Variants in PPA2 observed in about 807,000 individuals in gnomAD.
PPA2 encodes inorganic pyrophosphatase 2.
In PPA2, 48 loss-of-function variants were observed where a neutral mutation model predicts 49.5. The ratio of observed to expected loss-of-function variants is 0.97; its 90% CI spans 0.77 to 1.23. PPA2 has a LOEUF of 1.23. Among genes scored for constraint, PPA2 ranks in the 50% most tolerant of loss-of-function variants. The probability of loss-of-function intolerance (pLI) is 0.00; values close to 1 mark genes in which losing one functional copy is unlikely to be tolerated. For synonymous variants in PPA2, 131 were observed against 139.9 expected, an observed-to-expected ratio of 0.94 and a Z score of 0.45; for missense variants, 429 against 410.1, an observed-to-expected ratio of 1.05 and a Z score of -0.40.
At chr4:105,452,076 T>C (rs1395318946) in intron 3 of PPA2, among the ~76,000 whole-genome samples, 2 of 152,228 alleles carry the variant, frequency 1.3e-5, no homozygotes, top group Non-Finnish European at 2.9e-5. Flanking sequence ...TGTATTTTTG[T>C]TGCAGAAGTC....
chr4:105,461,946 A>T (rs1723109454), intron 1 of PPA2, among the ~76,000 whole-genome samples: 4 of 152,218 alleles, frequency 2.6e-5, no homozygotes, highest in Non-Finnish European at 5.9e-5. Context: ...ATTTCCCTAA[A>T]GTGCAAAAGG....
chr4:105,458,901 A>G (rs929818486), intron 1 of PPA2, among the ~76,000 whole-genome samples: 10 of 149,604 alleles, frequency 6.7e-5, no homozygotes, highest in Admixed American at 2.0e-4. Context: ...ATTTCCCCCT[A>G]CCATGCTTTG....
chr4:105,449,381 T>C lies in PPA2; in HGVS notation c.290A>G (p.Glu97Gly). The C allele has an allele frequency of 3.2e-6, 5 of 1,578,290 alleles. No homozygotes were observed. Among genetic ancestry groups the C allele is most frequent in the Non-Finnish European group, 3.5e-6 (4 of 1,154,140 alleles). Residue 97 changes from glutamate (E) to glycine (G), a missense_variant, in exon 4 of 12, where the codon GAA becomes GGA. By Grantham distance (98) the Glu-to-Gly change is moderately conservative. Transcript: ENST00000341695. ...EYENLFNMIV[E>G]IPRWTNAKME... ...TTTAGCATTTGTCCACCGAGGTATT[T>C]CTACAATCATATTAAACAGATTCTG... is the stretch of plus-strand genomic sequence containing the variant.
At chr4:105,459,474 T>A (rs1723000386) in intron 1 of PPA2, among the ~76,000 whole-genome samples, 1 of 152,204 alleles carries the variant, frequency 6.6e-6, no homozygotes, top group Non-Finnish European at 1.5e-5. Flanking sequence ...TGATGGGAAC[T>A]GAAAATGGTG....
In PPA2 at chr4:105,405,754, A is replaced by G. The variant is rs1249288566; in HGVS notation, c.656-6590T>C. On this transcript the variant is annotated intron_variant, in intron 7 of 11. Transcript: ENST00000341695. Reference sequence around the variant, plus strand: ...CCTTATAAACAGATTAACATCAAAAAGACTCAAAAACAAGATAAGTAACTT... The same window carrying G: ...CCTTATAAACAGATTAACATCAAAAGGACTCAAAAACAAGATAAGTAACTT... 12 of 671,702 alleles carry G rather than the reference A, an allele frequency of 1.8e-5. No individual in the cohort carries two copies. In the East Asian group the frequency reaches 8.2e-4, roughly 46 times the overall value. 41.6% of individuals were successfully genotyped at this position (671,702 alleles called of 1,614,324 possible).
intron 9 of PPA2, among the ~76,000 whole-genome samples, chr4:105,393,803 G>A (rs1734024124): frequency 6.6e-6 from 1 of 151,792 alleles, no homozygotes; most frequent in Non-Finnish European, 1.5e-5. Flanking sequence ...AATCTACAAT[G>A]GTACAGTTTA....
At chr4:105,443,238 CA>C (rs1724445935) in intron 5 of PPA2, among the ~76,000 whole-genome samples, 3 of 151,958 alleles carry the variant, frequency 2.0e-5, no homozygotes, top group Non-Finnish European at 4.4e-5. Flanking sequence ...AAGCCATGTG[CA>C]TACCTGGAAA....
In PPA2 at chr4:105,369,650, C is replaced by A; in HGVS notation, c.*75G>T. The A allele has an allele frequency of 2.0e-6, 2 of 982,112 alleles. No homozygotes were observed. Among genetic ancestry groups the A allele is most frequent in the South Asian group, 3.4e-5 (2 of 58,834 alleles). The allele number at this position is 982,112 out of a possible 1,614,324, so 60.8% of individuals were successfully genotyped here. The stretch of plus-strand genomic sequence containing the variant: ...TTTTAACAGGAAGTCAGTAAATGCT[C>A]ATAGACCCCCTTGTCTCTAGCACTT... On this transcript the variant is annotated 3_prime_UTR_variant, in exon 12 of 12. Coordinates refer to ENST00000341695, the MANE Select transcript of PPA2 (RefSeq NM_176869.3).
chr4:105,446,895 T>G (rs1722411150), intron 4 of PPA2, among the ~76,000 whole-genome samples: 1 of 152,174 alleles, frequency 6.6e-6, no homozygotes, highest in Non-Finnish European at 1.5e-5. Flanking sequence ...TATTCAATAG[T>G]GAAATGCTGA....
intron 7 of PPA2, among the ~76,000 whole-genome samples, chr4:105,415,731 C>T (rs563303243): frequency 5.1e-4 from 77 of 152,318 alleles, no homozygotes; most frequent in Admixed American, 8.5e-4. Flanking sequence ...TGTGCCTCCC[C>T]GGCTGCAGCC....
intron 1 of PPA2, among the ~76,000 whole-genome samples, chr4:105,458,818 CAAAAAAAA>C (rs57073135): frequency 0.13 from 3,969 of 31,588 alleles, 243 homozygotes; most frequent in African/African-American, 0.3. Context: ...ACTCCACCTC[CAAAAAAAA>C]AAAAAAAAAA....
chr4:105,414,530 T>C (rs1722914670), intron 7 of PPA2, among the ~76,000 whole-genome samples: 1 of 152,208 alleles, frequency 6.6e-6, no homozygotes, highest in African/African-American at 2.4e-5. Context: ...CCTGCGAGGC[T>C]GCAGCTGGAC....
intron 9 of PPA2, among the ~76,000 whole-genome samples, chr4:105,390,595 C>A (rs1733874081): frequency 2.6e-5 from 4 of 152,134 alleles, no homozygotes; most frequent in Admixed American, 6.5e-5. Context: ...CAAATCAAAA[C>A]CACAATGAGA....
chr4:105,446,590 T>G, intron 4 of PPA2, 88 bp from the exon 5 acceptor site: 1 of 1,403,246 alleles, frequency 7.1e-7, no homozygotes, highest in South Asian at 1.4e-5. Flanking sequence ...ATCTGCTATT[T>G]TCAGACTAAA....
chr4:105,385,544 C>T (rs966331720), intron 10 of PPA2, among the ~76,000 whole-genome samples: 18 of 152,094 alleles, frequency 1.2e-4, no homozygotes, highest in Non-Finnish European at 2.2e-4. Flanking sequence ...AATTCACTAG[C>T]TTTTAAATCT....
intron 3 of PPA2, among the ~76,000 whole-genome samples, chr4:105,450,412 T>A (rs1296112304): frequency 6.6e-6 from 1 of 151,542 alleles, no homozygotes; most frequent in Non-Finnish European, 1.5e-5. Context: ...AGTCTTACTC[T>A]GTCACCCAGG....
chr4:105,389,945 A>T (rs758129677), intron 9 of PPA2, among the ~76,000 whole-genome samples: 1 of 152,228 alleles, frequency 6.6e-6, no homozygotes, highest in Non-Finnish European at 1.5e-5. Flanking sequence ...TACATAAAAA[A>T]GTACCAGATT....
intron 7 of PPA2, among the ~76,000 whole-genome samples, chr4:105,418,456 T>C (rs989579826): frequency 6.6e-6 from 1 of 152,214 alleles, no homozygotes; most frequent in Non-Finnish European, 1.5e-5. Flanking sequence ...GTAGTTTTTA[T>C]TTTTAAATTT....
At chr4:105,384,450 G>GA (rs1733606679) in intron 10 of PPA2, among the ~76,000 whole-genome samples, 1 of 151,982 alleles carries the variant, frequency 6.6e-6, no homozygotes, top group Non-Finnish European at 1.5e-5. Flanking sequence ...AGAAAGCAAT[G>GA]AAAAAACAGG....
Sources: gnomAD v4.1 joint callset for allele counts (sites outside exome capture counted in the v4.1 genomes callset) on GRCh38, gnomAD v4.1.1 for gene constraint, MANE v1.5 for transcripts, NCBI Gene and HGNC (gene_info 2026-07-23, HGNC 2026-07-21) for gene names.